ACAP2: variants seen among roughly 807,000 people sequenced by gnomAD.
ACAP2 encodes the protein ArfGAP with coiled-coil, ankyrin repeat and PH domains 2.
A neutral mutation model predicts 115.8 loss-of-function variants in ACAP2; 39 were observed. The observed-to-expected ratio is 0.34, with a 90% confidence interval of 0.26 to 0.44. ACAP2 has a LOEUF of 0.44. ACAP2 is among the 20% of genes least tolerant of loss of function. The pLI, the probability that ACAP2 is intolerant of heterozygous loss-of-function variation, is 1.00. For synonymous variants in ACAP2, 289 were observed against 315.8 expected (o/e 0.92, Z 0.90); for missense variants, 662 against 927.6 (o/e 0.71, Z 3.72).
chr3:195,309,691 CAA>C (rs144669751), intron 10 of ACAP2, among the ~76,000 whole-genome samples: 3,276 of 152,262 alleles, frequency 0.022, 114 homozygotes, highest in East Asian at 0.1. Flanking sequence ...CGACATCTAA[CAA>C]GAGACAATCA....
chr3:195,385,985 A>ATTT (rs1734274689), intron 2 of ACAP2, among the ~76,000 whole-genome samples: 1 of 152,236 alleles, frequency 6.6e-6, no homozygotes, highest in Non-Finnish European at 1.5e-5. Context: ...CAAAAGGGAA[A>ATTT]CAACTCAAAT....
intron 15 of ACAP2, among the ~76,000 whole-genome samples, chr3:195,298,024 T>C (rs1727766170): frequency 6.6e-6 from 1 of 152,154 alleles, no homozygotes; most frequent in Non-Finnish European, 1.5e-5. Flanking sequence ...CCCAAACCAT[T>C]TCCCTGAAAA....
intron 6 of ACAP2, among the ~76,000 whole-genome samples, 166 bp downstream of exon 6, chr3:195,342,305 C>T (rs542954656): frequency 6.6e-6 from 1 of 152,256 alleles, no homozygotes; most frequent in Non-Finnish European, 1.5e-5. Context: ...TCCATACACA[C>T]ACAGGTACAC....
At chr3:195,324,217 A>G (rs1251670822) in intron 9 of ACAP2, among the ~76,000 whole-genome samples, 3 of 152,218 alleles carry the variant, frequency 2.0e-5, no homozygotes, top group Admixed American at 6.5e-5. Flanking sequence ...TAAAGAAGTC[A>G]CTCTAAAGCC....
At chr3:195,430,303 T>A (rs962353428) in intron 1 of ACAP2, among the ~76,000 whole-genome samples, 1 of 152,252 alleles carries the variant, frequency 6.6e-6, no homozygotes, top group African/African-American at 2.4e-5. Flanking sequence ...TTATTGTTAC[T>A]TTTTTCTGAT....
At chr3:195,424,293 T>A (rs1434039956) in intron 1 of ACAP2, among the ~76,000 whole-genome samples, 7,154 of 52,012 alleles carry the variant, frequency 0.14, 173 homozygotes, top group East Asian at 0.23. Flanking sequence ...ATTTTTTTTT[T>A]TTTTTTTTTT....
At chr3:195,381,192 C>A in intron 3 of ACAP2, 130 bp from the exon 4 acceptor site, 1 of 662,258 alleles carries the variant, frequency 1.5e-6, no homozygotes, top group Non-Finnish European at 2.6e-6. Flanking sequence ...TTTCCAATGA[C>A]AATCTCACAC....
intron 1 of ACAP2, among the ~76,000 whole-genome samples, chr3:195,398,590 T>C (rs576921138): frequency 2.0e-5 from 3 of 151,744 alleles, no homozygotes; most frequent in African/African-American, 7.3e-5. Flanking sequence ...TGAGCCAAGA[T>C]CACACCATTG....
At chr3:195,379,018 G>GA (rs1733771067) in intron 4 of ACAP2, among the ~76,000 whole-genome samples, 1 of 151,922 alleles carries the variant, frequency 6.6e-6, no homozygotes, top group Admixed American at 6.6e-5. Context: ...ATAAATTATA[G>GA]AAAAAACATT....
At chr3:195,434,864 T>C (rs1247190831) in intron 1 of ACAP2, among the ~76,000 whole-genome samples, 1 of 152,226 alleles carries the variant, frequency 6.6e-6, no homozygotes, top group African/African-American at 2.4e-5. Context: ...GTTAATGTCA[T>C]CAATTATCTG....
chr3:195,312,907 G>A (rs1042307768), intron 10 of ACAP2: 1 of 152,196 alleles, frequency 6.6e-6, no homozygotes, highest in Admixed American at 6.5e-5. Flanking sequence ...AAAGGAAACT[G>A]GAGTAAGATG....
chr3:195,298,447 G>C (rs1427002420), intron 15 of ACAP2, among the ~76,000 whole-genome samples: 1 of 151,740 alleles, frequency 6.6e-6, no homozygotes, highest in Non-Finnish European at 1.5e-5. Context: ...GTAGAGACAG[G>C]GTTTCACTAT....
At chr3:195,297,123 A>G (rs1727705670) in intron 16 of ACAP2, 67 bp downstream of exon 16, 3 of 1,376,216 alleles carry the variant, frequency 2.2e-6, no homozygotes, top group East Asian at 2.3e-5. Context: ...TTATATATCA[A>G]TTACTACAGT....
chr3:195,284,237 C>G lies in ACAP2; in HGVS notation c.2236+1559G>C, dbSNP rs987305124. 2.0e-5 allele frequency among the ~76,000 whole-genome samples: 3 copies of G among 152,318 alleles called. No individual in the cohort carries two copies. The South Asian group carries it at 6.2e-4, about 32-fold the overall frequency. On this transcript the variant is annotated intron_variant, in intron 22 of 22. Coordinates refer to ENST00000326793, the MANE Select transcript of ACAP2 (RefSeq NM_012287.6). Reference sequence around the variant, plus strand: ...ACTTAAAATCGTGAGGTTCACTCTTCTCTTACAAATATCAGGTCATATTCT... The same window carrying G: ...ACTTAAAATCGTGAGGTTCACTCTTGTCTTACAAATATCAGGTCATATTCT...
At chr3:195,428,898 C>T (rs1319431710) in intron 1 of ACAP2, among the ~76,000 whole-genome samples, 3 of 152,140 alleles carry the variant, frequency 2.0e-5, no homozygotes, top group Non-Finnish European at 2.9e-5. Flanking sequence ...AACACGTTTA[C>T]CCCTTGACAC....
At chr3:195,378,503 A>AAAAC (rs1733722978) in intron 4 of ACAP2, among the ~76,000 whole-genome samples, 1 of 137,818 alleles carries the variant, frequency 7.3e-6, no homozygotes, top group Admixed American at 7.3e-5. Context: ...AACAAAAAAC[A>AAAAC]AAACAAACAA....
At chr3:195,293,388 T>C (rs1247351177) in intron 18 of ACAP2, among the ~76,000 whole-genome samples, 1 of 152,048 alleles carries the variant, frequency 6.6e-6, no homozygotes, top group Non-Finnish European at 1.5e-5. Flanking sequence ...AAAGCACAAG[T>C]CAAAAGAAAA....
At chr3:195,320,859 T>C (rs1456336524) in intron 9 of ACAP2, 46 bp from the exon 10 acceptor site, 3 of 1,309,024 alleles carry the variant, frequency 2.3e-6, no homozygotes, top group Admixed American at 1.7e-5. Context: ...TTGACTAAGT[T>C]TCCTAGACAA....
chr3:195,381,248 CAAAT>C (rs1456158717), intron 3 of ACAP2, among the ~76,000 whole-genome samples, 186 bp from the exon 4 acceptor site: 1 of 152,074 alleles, frequency 6.6e-6, no homozygotes, highest in East Asian at 1.9e-4. Context: ...CACGTGGTAA[CAAAT>C]AAAACCCTAA....
Sources: allele counts gnomAD v4.1 joint callset (sites outside exome capture counted in the v4.1 genomes callset), GRCh38; gene constraint gnomAD v4.1.1; transcripts MANE v1.5; gene names NCBI Gene and HGNC (gene_info 2026-07-23, HGNC 2026-07-21).